The following MPP7 variants were observed in gnomAD, a reference collection of about 807,000 sequenced individuals.
MPP7 encodes MAGUK p55 scaffold protein 7.
Under a neutral mutation model 76.5 loss-of-function variants are expected in MPP7, and 60 were observed. That is an observed-to-expected ratio of 0.78 (90% confidence interval 0.64 to 0.97). The LOEUF is 0.97. MPP7 is among the 50% of genes least tolerant of loss of function. MPP7 has a pLI of 0.00. For synonymous variants in MPP7, 237 were observed against 244.5 expected (o/e 0.97, Z 0.29); for missense variants, 641 against 694.0 (o/e 0.92, Z 0.86).
intron 11 of MPP7, among the ~76,000 whole-genome samples, chr10:28,094,271 T>C (rs1210909798): frequency 6.6e-6 from 1 of 151,454 alleles, no homozygotes; most frequent in Non-Finnish European, 1.5e-5. Flanking sequence ...AACGATATTT[T>C]ACAATGCAAA....
chr10:28,129,489 T>C (rs948268749), intron 6 of MPP7, among the ~76,000 whole-genome samples: 12 of 151,566 alleles, frequency 7.9e-5, no homozygotes, highest in Non-Finnish European at 1.8e-4. Flanking sequence ...AAAAAATTTA[T>C]CTCCTATAGA....
intron 11 of MPP7, among the ~76,000 whole-genome samples, chr10:28,106,269 C>A (rs987504717): frequency 6.6e-6 from 1 of 152,136 alleles, no homozygotes; most frequent in African/African-American, 2.4e-5. Flanking sequence ...AGACTATTAC[C>A]TCTCGCTACT....
chr10:28,143,066 CACAAAGAGAAGG>C (rs1835576605), intron 5 of MPP7, among the ~76,000 whole-genome samples: 1 of 151,482 alleles, frequency 6.6e-6, no homozygotes, highest in Non-Finnish European at 1.5e-5. Context: ...ATTTTGTTGA[CACAAAGAGAAGG>C]CTACAAAATG....
rs534009695 is a variant in MPP7 at position 28,215,847 on chromosome 10, C to T, written c.38-13576G>A. Among the ~76,000 whole-genome samples the T allele has an allele frequency of 3.3e-5, 5 of 152,198 alleles. No individual in the cohort carries two copies. The East Asian group carries it at 7.7e-4, about 24-fold the overall frequency. On this transcript the variant is annotated intron_variant, in intron 2 of 16. Coordinates refer to ENST00000683449, the MANE Select transcript of MPP7 (RefSeq NM_001318170.2). Reference sequence around the variant, plus strand: ...TGCTTTGCTGAACAACTTATGTAAGCATCTTTTAAATAAAAATAATTCCAA... The same window carrying T: ...TGCTTTGCTGAACAACTTATGTAAGTATCTTTTAAATAAAAATAATTCCAA...
At chr10:28,200,503 G>A (rs923040986) in intron 3 of MPP7, among the ~76,000 whole-genome samples, 3 of 152,094 alleles carry the variant, frequency 2.0e-5, no homozygotes, top group Admixed American at 6.6e-5. Context: ...ACTTAGTATT[G>A]ACATATACTT....
At chr10:28,140,533 A>T (rs1303515071) in intron 5 of MPP7, among the ~76,000 whole-genome samples, 2 of 152,070 alleles carry the variant, frequency 1.3e-5, no homozygotes. Context: ...AAAAAAATAG[A>T]ATTGATAATA....
At chr10:28,276,285 C>T (rs1589018736) in intron 1 of MPP7, among the ~76,000 whole-genome samples, 1 of 152,072 alleles carries the variant, frequency 6.6e-6, no homozygotes, top group Non-Finnish European at 1.5e-5. Context: ...CCCGCCTCGG[C>T]CTCCCAGAGT....
At chr10:28,214,715 G>A (rs1277828824) in intron 2 of MPP7, among the ~76,000 whole-genome samples, 1 of 152,186 alleles carries the variant, frequency 6.6e-6, no homozygotes, top group Non-Finnish European at 1.5e-5. Flanking sequence ...GGCATAGGCT[G>A]AACTAACTTT....
chr10:28,114,972 G>A (rs895173298), intron 11 of MPP7, among the ~76,000 whole-genome samples: 4 of 152,056 alleles, frequency 2.6e-5, no homozygotes, highest in African/African-American at 9.7e-5. Context: ...GATCAGATAT[G>A]AAATTTACAA....
At chr10:28,259,721 G>A (rs1188913841) in intron 1 of MPP7, among the ~76,000 whole-genome samples, 8 of 152,108 alleles carry the variant, frequency 5.3e-5, no homozygotes, top group Non-Finnish European at 1.2e-4. Context: ...GCTCATGCCT[G>A]GAATCCCAGT....
At chr10:28,212,867 A>C (rs1838187141) in intron 2 of MPP7, among the ~76,000 whole-genome samples, 1 of 152,166 alleles carries the variant, frequency 6.6e-6, no homozygotes, top group Non-Finnish European at 1.5e-5. Context: ...ACAATGTAGA[A>C]GACTGAATGA....
At chr10:28,216,547 G>T (rs1050695558) in intron 2 of MPP7, among the ~76,000 whole-genome samples, 1 of 152,100 alleles carries the variant, frequency 6.6e-6, no homozygotes, top group African/African-American at 2.4e-5. Flanking sequence ...TAGTTGCAGA[G>T]TCATTTTAGA....
chr10:28,119,273 G>A (rs1393119362), intron 11 of MPP7, among the ~76,000 whole-genome samples: 1 of 152,026 alleles, frequency 6.6e-6, no homozygotes, highest in Non-Finnish European at 1.5e-5. Flanking sequence ...CCAAGAAAAT[G>A]GTAGATTTTT....
intron 14 of MPP7, chr10:28,059,425 A>C (rs938205368): frequency 4.6e-6 from 2 of 430,980 alleles, no homozygotes; most frequent in Non-Finnish European, 8.2e-6. Flanking sequence ...TCTGCAAAGC[A>C]GTGTCTACAC....
intron 5 of MPP7, among the ~76,000 whole-genome samples, chr10:28,133,649 G>A (rs532633639): frequency 6.6e-6 from 1 of 152,174 alleles, no homozygotes; most frequent in East Asian, 1.9e-4. Flanking sequence ...TAAGTGTATA[G>A]TATAAATTTC....
intron 2 of MPP7, among the ~76,000 whole-genome samples, chr10:28,223,998 C>T (rs1286098352): frequency 1.3e-5 from 2 of 151,476 alleles, no homozygotes; most frequent in African/African-American, 4.9e-5. Context: ...GAGTTCGAGA[C>T]CAGCCTAGCC....
intron 2 of MPP7, chr10:28,236,620 T>C (rs1245719417): frequency 6.6e-6 from 1 of 151,982 alleles, no homozygotes; most frequent in Non-Finnish European, 1.5e-5. Flanking sequence ...ATTACTTGTA[T>C]AATTAGTTTT....
intron 11 of MPP7, among the ~76,000 whole-genome samples, chr10:28,095,201 ATAT>A (rs1016082245): frequency 4.2e-5 from 1 of 23,564 alleles, no homozygotes; most frequent in African/African-American, 1.1e-4. Flanking sequence ...ATGCATATAT[ATAT>A]ATATATATAT....
At chr10:28,115,001 C>A (rs1225494846) in intron 11 of MPP7, among the ~76,000 whole-genome samples, 1 of 152,232 alleles carries the variant, frequency 6.6e-6, no homozygotes, top group Admixed American at 6.5e-5. Context: ...ATCTACACCT[C>A]TTTCCACCCA....
Sources: gnomAD v4.1 joint callset for allele counts (sites outside exome capture counted in the v4.1 genomes callset) on GRCh38, gnomAD v4.1.1 for gene constraint, MANE v1.5 for transcripts, NCBI Gene and HGNC (gene_info 2026-07-23, HGNC 2026-07-21) for gene names.